Variants in CRACR2A observed in about 807,000 individuals in gnomAD.
CRACR2A encodes EF-hand calcium-binding domain-containing protein 4B.
Under a neutral mutation model 90.5 loss-of-function variants are expected in CRACR2A, and 79 were observed. The observed-to-expected ratio is 0.87, with a 90% CI of 0.73 to 1.05. CRACR2A has a LOEUF of 1.05. Among genes scored for constraint, CRACR2A ranks in the 50% least tolerant of loss-of-function variants. CRACR2A has a pLI of 0.00. For missense variants in CRACR2A, 823 were observed against 897.2 expected, an observed-to-expected ratio of 0.92 and a Z score of 1.06; for synonymous variants, 338 against 356.7, an observed-to-expected ratio of 0.95 and a Z score of 0.59.
chr12:3,664,491 T>G (rs1427442859), intron 7 of CRACR2A, among the ~76,000 whole-genome samples: 5 of 152,256 alleles, frequency 3.3e-5, no homozygotes. Flanking sequence ...TGTGTCTTCC[T>G]GTTGTGTTGT....
chr12:3,689,188 T>C (rs1945613148), intron 4 of CRACR2A, among the ~76,000 whole-genome samples: 1 of 152,196 alleles, frequency 6.6e-6, no homozygotes, highest in South Asian at 2.1e-4. Context: ...CTTTATTTCT[T>C]TCTTTTGCCT....
chr12:3,616,960 A>T lies in CRACR2A; in HGVS notation c.2105T>A (p.Leu702Gln). Reference protein sequence around the residue: ...GHNTKESLLHLARFLKEQEDT... With the variant: ...GHNTKESLLHQARFLKEQEDT... ...GGGGAGCACATCTCTTTACCTGGCCAGATGGAGCAGGGACTCTTTGGTGTT... is the reference window on the plus strand; with the variant it reads ...GGGGAGCACATCTCTTTACCTGGCCTGATGGAGCAGGGACTCTTTGGTGTT... The change falls in exon 19 of 20, where the codon CTG becomes CAG. Residue 702 changes from leucine (L) to glutamine (Q), a missense_variant. Coordinates refer to ENST00000440314, the MANE Select transcript of CRACR2A (RefSeq NM_001144958.2). The T allele has an allele frequency of 6.4e-7, 1 of 1,550,988 alleles. No homozygotes were observed. The highest frequency in any genetic ancestry group is 8.7e-7 in the Non-Finnish European group (1 of 1,146,330).
rs144314920 is a variant in CRACR2A at position 3,696,811 on chromosome 12, A to G, written c.189T>C (p.Asp63=). 1 of 1,614,104 alleles carries G rather than the reference A, an allele frequency of 6.2e-7. No homozygotes were observed. The highest frequency in any genetic ancestry group is 1.3e-5 in the African/African-American group (1 of 74,936). Residue 63 remains aspartate, a synonymous_variant, in exon 4 of 20, where the codon GAT becomes GAC. Coordinates refer to ENST00000440314, the MANE Select transcript of CRACR2A (RefSeq NM_001144958.2). Reference sequence around the variant, plus strand: ...TGGCGATGAAGCCCTTGCCTTCAGCATCACAGGTCTGAAAGAACTCCTGTG... The same window carrying G: ...TGGCGATGAAGCCCTTGCCTTCAGCGTCACAGGTCTGAAAGAACTCCTGTG... ...RKAQEFFQTC[D]AEGKGFIARK...
At chr12:3,730,125 T>A (rs1946338814) in intron 2 of CRACR2A, 1 of 152,182 alleles carries the variant, frequency 6.6e-6, no homozygotes, top group African/African-American at 2.4e-5. Context: ...CAGGGGCCGA[T>A]GAAGAAGAAT....
intron 4 of CRACR2A, among the ~76,000 whole-genome samples, chr12:3,689,813 G>T (rs1230871505): frequency 6.7e-6 from 1 of 148,796 alleles, no homozygotes; most frequent in Non-Finnish European, 1.5e-5. Flanking sequence ...ATTTATTACT[G>T]ATTCAGTTTC....
chr12:3,666,367 G>A (rs1447232903), intron 7 of CRACR2A, among the ~76,000 whole-genome samples: 22 of 151,790 alleles, frequency 1.4e-4, no homozygotes, highest in East Asian at 7.8e-4. Flanking sequence ...GTGCGTGTGC[G>A]CGTGCGCGCG....
intron 4 of CRACR2A, among the ~76,000 whole-genome samples, chr12:3,684,185 CT>C (rs2137636915): frequency 6.6e-6 from 1 of 152,314 alleles, no homozygotes; most frequent in South Asian, 2.1e-4. Context: ...CAGAATTACA[CT>C]GTCCCTCCTT....
intron 2 of CRACR2A, among the ~76,000 whole-genome samples, chr12:3,716,051 C>T (rs1946077503): frequency 6.6e-6 from 1 of 151,912 alleles, no homozygotes; most frequent in Non-Finnish European, 1.5e-5. Context: ...TGGTGACACT[C>T]TCCCAGGCTT....
At chr12:3,698,875 A>G (rs531041624) in intron 3 of CRACR2A, among the ~76,000 whole-genome samples, 1 of 152,074 alleles carries the variant, frequency 6.6e-6, no homozygotes, top group Non-Finnish European at 1.5e-5. Context: ...ATACCACATG[A>G]GCAGAACAGG....
intron 2 of CRACR2A, among the ~76,000 whole-genome samples, chr12:3,719,135 A>G (rs949093139): frequency 6.6e-6 from 1 of 152,202 alleles, no homozygotes; most frequent in South Asian, 2.1e-4. Context: ...AGCCTCGGTT[A>G]TGTGCAGATG....
chr12:3,708,126 G>C (rs1945955503), intron 3 of CRACR2A, among the ~76,000 whole-genome samples: 5 of 152,146 alleles, frequency 3.3e-5, no homozygotes, highest in Non-Finnish European at 7.3e-5. Flanking sequence ...ACTCTTAGAA[G>C]GTGGACCCTT....
chr12:3,692,040 G>C (rs1271632272), intron 4 of CRACR2A, among the ~76,000 whole-genome samples: 1 of 152,186 alleles, frequency 6.6e-6, no homozygotes, highest in African/African-American at 2.4e-5. Context: ...TTGTCTGTCA[G>C]CTGCTATATC....
intron 7 of CRACR2A, chr12:3,672,965 T>G (rs959118383): frequency 5.0e-6 from 1 of 201,210 alleles, no homozygotes; most frequent in African/African-American, 2.4e-5. Flanking sequence ...TGGGCTGATC[T>G]GGCCCTGGGG....
At chr12:3,751,344 T>TTCTTCCCAGGTTC (rs1946699683) in intron 1 of CRACR2A, among the ~76,000 whole-genome samples, 1 of 152,132 alleles carries the variant, frequency 6.6e-6, no homozygotes. Context: ...TGCAATGGGC[T>TTCTTCCCAGGTTC]TCTTCCCAGG....
At chr12:3,657,351 C>T (rs1944931203) in intron 8 of CRACR2A, among the ~76,000 whole-genome samples, 1 of 152,218 alleles carries the variant, frequency 6.6e-6, no homozygotes, top group Admixed American at 6.5e-5. Flanking sequence ...CCCTGGGGTT[C>T]CTGTCATATG....
At position 3,640,122 on chromosome 12, in the gene CRACR2A, G is replaced by A. The variant is rs74055945; in HGVS notation, c.1271+1610C>T. On this transcript the variant is annotated intron_variant, in intron 13 of 19. Coordinates refer to ENST00000440314, the MANE Select transcript of CRACR2A (RefSeq NM_001144958.2). ...GTCTGGGAAATTCTCAAGCACTACT[G>A]CCATTCTGTAATACCTGCATCACGG... 3.8e-3 allele frequency among the ~76,000 whole-genome samples: 577 copies of A among 152,354 alleles called. 3 individuals carry two copies. Among genetic ancestry groups the A allele is most frequent in the African/African-American group, 0.013 (523 of 41,590 alleles).
At position 3,696,708 on chromosome 12, in the gene CRACR2A, C is replaced by G; in HGVS notation, c.228+64G>C. The G allele has an allele frequency of 1.9e-6, 3 of 1,607,608 alleles. No homozygotes were observed. The Admixed American group carries it at 5.0e-5, about 27-fold the overall frequency. On this transcript the variant is annotated intron_variant, in intron 4 of 19. Coordinates refer to ENST00000440314, the MANE Select transcript of CRACR2A (RefSeq NM_001144958.2). ...GATGTCACCTCCCACGGGGCAAGCT[C>G]TAACCCAAGACAGGAAGACATCTGG...
chr12:3,692,369 G>A (rs1245910172), intron 4 of CRACR2A, among the ~76,000 whole-genome samples: 1 of 152,140 alleles, frequency 6.6e-6, no homozygotes, highest in Admixed American at 6.5e-5. Flanking sequence ...GGTGGGTTCA[G>A]CTGACTGGCT....
intron 2 of CRACR2A, among the ~76,000 whole-genome samples, chr12:3,713,696 C>G (rs1192771325): frequency 9.2e-5 from 14 of 152,204 alleles, no homozygotes; most frequent in Admixed American, 9.2e-4. Context: ...ACGCTGTCTA[C>G]ACCACAGGAG....
Sources: allele counts gnomAD v4.1 joint callset (sites outside exome capture counted in the v4.1 genomes callset), GRCh38; gene constraint gnomAD v4.1.1; transcripts MANE v1.5; gene names NCBI Gene and HGNC (gene_info 2026-07-23, HGNC 2026-07-21).